CAT: variants seen among roughly 807,000 people sequenced by gnomAD.
CAT encodes the protein catalase, also known as epididymis secretory sperm binding protein.
Under a neutral mutation model 59.0 loss-of-function variants are expected in CAT, and 43 were observed. The observed-to-expected ratio is 0.73, with a 90% CI of 0.57 to 0.94. The LOEUF (loss-of-function observed/expected upper bound fraction) is 0.94, where lower values mean the gene tolerates loss of function less well. Ranked by LOEUF, CAT falls within the 40% of genes least tolerant of loss-of-function variation. The pLI, the probability that CAT is intolerant of heterozygous loss-of-function variation, is 0.00. For synonymous variants in CAT, 218 were observed against 230.9 expected (o/e 0.94, Z 0.51); for missense variants, 664 against 682.9 (o/e 0.97, Z 0.31).
intron 8 of CAT, chr11:34,457,099 A>C: frequency 2.3e-6 from 1 of 434,278 alleles, no homozygotes; most frequent in Non-Finnish European, 4.2e-6. Context: ...ACATAATAGA[A>C]ATACCTTAAG....
intron 5 of CAT, 71 bp downstream of exon 5, chr11:34,453,265 T>A (rs1165865456): frequency 2.1e-6 from 2 of 934,436 alleles, no homozygotes; most frequent in Non-Finnish European, 3.6e-6. Flanking sequence ...CTTCATAAAG[T>A]GTCTCTCCAG....
At chr11:34,465,936 G>T (rs1422229180) in intron 10 of CAT, among the ~76,000 whole-genome samples, 1 of 152,212 alleles carries the variant, frequency 6.6e-6, no homozygotes, top group Non-Finnish European at 1.5e-5. Flanking sequence ...AAAGTGCAGT[G>T]AAGTAAGCTT....
At chr11:34,445,516 A>AG (rs1270359770) in intron 1 of CAT, among the ~76,000 whole-genome samples, 2 of 150,544 alleles carry the variant, frequency 1.3e-5, no homozygotes, top group Non-Finnish European at 3.0e-5. Context: ...AAAAAAAAAA[A>AG]AAAAAAGAAA....
chr11:34,458,965 T>C (rs953092192), intron 8 of CAT, among the ~76,000 whole-genome samples: 3 of 152,310 alleles, frequency 2.0e-5, no homozygotes, highest in Admixed American at 1.3e-4. Flanking sequence ...ATTTTAGTTC[T>C]GGCAAATATA....
chr11:34,469,581 GC>G (rs1856753413), intron 11 of CAT, among the ~76,000 whole-genome samples: 1 of 151,838 alleles, frequency 6.6e-6, no homozygotes, highest in Non-Finnish European at 1.5e-5. Flanking sequence ...TTTGTTAAGC[GC>G]TTACTCTGAG....
intron 10 of CAT, among the ~76,000 whole-genome samples, chr11:34,467,783 T>G (rs1162050794): frequency 6.6e-6 from 1 of 152,230 alleles, no homozygotes; most frequent in African/African-American, 2.4e-5. Flanking sequence ...ACTATTAATA[T>G]GTCTTGCTTA....
chr11:34,449,444 C>T, intron 2 of CAT, 81 bp downstream of exon 2: 1 of 1,224,712 alleles, frequency 8.2e-7, no homozygotes, highest in Non-Finnish European at 1.2e-6. Flanking sequence ...GATTGGAAGA[C>T]CTTTAACACA....
At chr11:34,458,158 G>A (rs575226256) in intron 8 of CAT, among the ~76,000 whole-genome samples, 1 of 152,358 alleles carries the variant, frequency 6.6e-6, no homozygotes, top group African/African-American at 2.4e-5. Context: ...TTGTTTTGAA[G>A]AATAGATAGG....
intron 9 of CAT, among the ~76,000 whole-genome samples, chr11:34,461,901 G>C (rs1856656194): frequency 6.6e-6 from 1 of 152,220 alleles, no homozygotes; most frequent in Admixed American, 6.5e-5. Flanking sequence ...GAAGGCTGGG[G>C]AGAAGAGAGT....
intron 8 of CAT, among the ~76,000 whole-genome samples, chr11:34,460,469 T>TTTC (rs1438076569): frequency 6.7e-6 from 1 of 148,962 alleles, no homozygotes; most frequent in Non-Finnish European, 1.5e-5. Flanking sequence ...TTTTTTTTTT[T>TTTC]TTCTGATCTT....
chr11:34,452,853 TAA>T (rs532166250), intron 4 of CAT, among the ~76,000 whole-genome samples: 62 of 137,090 alleles, frequency 4.5e-4, no homozygotes, highest in Non-Finnish European at 4.5e-4. Flanking sequence ...GACCCTGTCT[TAA>T]AAAAAAAAAA....
rs1856688665 is a variant in CAT at position 34,464,320 on chromosome 11, C to T, written c.1326+85C>T. 43 of 1,301,422 alleles carry T rather than the reference C, an allele frequency of 3.3e-5. No homozygotes were observed. In the South Asian group the frequency reaches 4.9e-4, roughly 15 times the overall value. The allele number at this position is 1,301,422 out of a possible 1,614,324, so 80.6% of individuals were successfully genotyped here. Reference sequence around the variant, plus strand: ...GCATAATCCCCCTCCCTGCAAATGCCCCAACTGTCTGATGTATCTTAAATT... The same window carrying T: ...GCATAATCCCCCTCCCTGCAAATGCTCCAACTGTCTGATGTATCTTAAATT... On this transcript the variant is annotated intron_variant, in intron 10 of 12. Coordinates refer to ENST00000241052, the MANE Select transcript of CAT (RefSeq NM_001752.4).
At chr11:34,466,548 T>A (rs508370) in intron 10 of CAT, among the ~76,000 whole-genome samples, 2 of 151,796 alleles carry the variant, frequency 1.3e-5, no homozygotes, top group South Asian at 4.2e-4. Context: ...GAGGCTGAGG[T>A]GGGCGGATCA....
chr11:34,450,883 G>A lies in CAT; in HGVS notation c.239-105G>A. On this transcript the variant is annotated intron_variant, in intron 2 of 12. Transcript: ENST00000241052. The stretch of plus-strand genomic sequence containing the variant: ...TCCAACATACTGGAAGCTCCCAGAA[G>A]GCTGGTGCTAACCATCATTTTCTCT... The A allele has an allele frequency of 4.9e-6, 4 of 808,406 alleles. No individual in the cohort carries two copies. In the South Asian group the frequency reaches 5.3e-5, roughly 11 times the overall value. The allele number at this position is 808,406 out of a possible 1,614,324, so 50.1% of individuals were successfully genotyped here.
intron 2 of CAT, 141 bp downstream of exon 2, chr11:34,449,504 G>T (rs1590300907): frequency 3.0e-6 from 2 of 674,172 alleles, no homozygotes; most frequent in East Asian, 5.3e-5. Context: ...CAGCAGTAGG[G>T]AAATTAGTAA....
chr11:34,452,926 T>G (rs1349035873), intron 4 of CAT, among the ~76,000 whole-genome samples, 164 bp from the exon 5 acceptor site: 1 of 152,148 alleles, frequency 6.6e-6, no homozygotes, highest in African/African-American at 2.4e-5. Context: ...AGATGCTAGT[T>G]GTCTATGCTG....
intron 1 of CAT, among the ~76,000 whole-genome samples, chr11:34,447,476 A>G (rs1407365418): frequency 6.6e-6 from 1 of 152,182 alleles, no homozygotes; most frequent in Non-Finnish European, 1.5e-5. Context: ...AACACGTATT[A>G]GCACGTCACA....
chr11:34,445,233 T>G (rs1856435846), intron 1 of CAT, among the ~76,000 whole-genome samples: 1 of 152,082 alleles, frequency 6.6e-6, no homozygotes, highest in Non-Finnish European at 1.5e-5. Context: ...CTCACGCCTA[T>G]AATCCCAGCA....
At position 34,438,994 on chromosome 11, in the gene CAT, T is replaced by C. The variant is rs1049982; in HGVS notation, c.-20T>C. 1,011,171 of 1,575,640 alleles carry C rather than the reference T, an allele frequency of 0.64. 329,145 individuals carry two copies. Among genetic ancestry groups the C allele is most frequent in the Non-Finnish European group, 0.67 (776,805 of 1,159,840 alleles). ...CGAGCCGAGGCCTCCTGCAGTGTTC[T>C]GCACAGCAAACCGCACGCTATGGCT... On this transcript the variant is annotated 5_prime_UTR_variant, in exon 1 of 13. Transcript: ENST00000241052.
Sources: gnomAD v4.1 joint callset for allele counts (sites outside exome capture counted in the v4.1 genomes callset) on GRCh38, gnomAD v4.1.1 for gene constraint, MANE v1.5 for transcripts, NCBI Gene and HGNC (gene_info 2026-07-23, HGNC 2026-07-21) for gene names.